BCL9L: variants seen among roughly 807,000 people sequenced by gnomAD.
BCL9L encodes the protein BCL9 like, also known as B-cell CLL/lymphoma 9-like protein.
BCL9L carries 19 observed loss-of-function variants against 99.4 expected under a neutral mutation model. The ratio of observed to expected loss-of-function variants is 0.19; its 90% CI spans 0.13 to 0.28. The LOEUF (loss-of-function observed/expected upper bound fraction) is 0.28, where lower values mean the gene tolerates loss of function less well. Among genes scored for constraint, BCL9L ranks in the 10% least tolerant of loss-of-function variants. The pLI is 1.00. For missense variants in BCL9L, 2,023 were observed against 2,101.6 expected, an observed-to-expected ratio of 0.96 and a Z score of 0.73; for synonymous variants, 900 against 854.8, an observed-to-expected ratio of 1.05 and a Z score of -0.92.
At chr11:118,906,278 G>C (rs935339433) in intron 5 of BCL9L, among the ~76,000 whole-genome samples, 1 of 152,218 alleles carries the variant, frequency 6.6e-6, no homozygotes, top group Non-Finnish European at 1.5e-5. Context: ...GGTGGCTATG[G>C]GGGGAGGTGT....
chr11:118,918,267 G>GTGTGTGTGTGTGTGTGTGTC (rs1435056849), intron 2 of BCL9L, among the ~76,000 whole-genome samples: 5 of 148,338 alleles, frequency 3.4e-5, no homozygotes, highest in African/African-American at 1.1e-4. Flanking sequence ...AAGAGGCTGT[G>GTGTGTGTGTGTGTGTGTGTC]TGTGTGTGTG....
At chr11:118,911,186 G>A (rs960873629) in intron 2 of BCL9L, 1 of 452,784 alleles carries the variant, frequency 2.2e-6, no homozygotes, top group East Asian at 7.0e-5. Flanking sequence ...CTCCCCCCTC[G>A]CCTCCCCTAC....
intron 4 of BCL9L, 71 bp downstream of exon 4, chr11:118,908,199 T>A: frequency 6.7e-7 from 1 of 1,498,382 alleles, no homozygotes; most frequent in Non-Finnish European, 8.9e-7. Flanking sequence ...AGCAGAGAGG[T>A]GATCTCCCAG....
intron 1 of BCL9L, among the ~76,000 whole-genome samples, chr11:118,923,727 G>C (rs1941208051): frequency 6.6e-6 from 1 of 152,144 alleles, no homozygotes. Flanking sequence ...GAGCAACATG[G>C]GTAAGCAGGG....
chr11:118,908,467 G>C lies in BCL9L; in HGVS notation c.215C>G (p.Ser72Trp), dbSNP rs780948865. 3.1e-6 allele frequency: 5 copies of C among 1,614,132 alleles called. No individual in the cohort carries two copies. The highest frequency in any genetic ancestry group is 3.4e-6 in the Non-Finnish European group (4 of 1,180,000). Residue 72 changes from serine to tryptophan, a missense_variant, in exon 4 of 10, where the codon TCG (serine) becomes TGG (tryptophan). Ser to Trp is a radical substitution (Grantham distance 177, BLOSUM62 -3). Coordinates refer to ENST00000683865, the MANE Select transcript of BCL9L (RefSeq NM_001378213.1). ...VNQGPTCNVGSKGVGAGNHGA... is the reference protein window; with the variant it reads ...VNQGPTCNVGWKGVGAGNHGA... ...ATGGTTCCCCGCCCCCACGCCCTTC[G>C]AGCCCACGTTGCAGGTGGGTCCTTG...
chr11:118,909,771 C>T, intron 3 of BCL9L, 143 bp downstream of exon 3: 2 of 1,370,496 alleles, frequency 1.5e-6, no homozygotes, highest in Non-Finnish European at 2.0e-6. Flanking sequence ...TGCTAACCCC[C>T]CTTTAGCCCA....
intron 4 of BCL9L, 48 bp from the exon 5 acceptor site, chr11:118,907,650 A>T: frequency 6.2e-7 from 1 of 1,601,172 alleles, no homozygotes; most frequent in Non-Finnish European, 8.5e-7. Flanking sequence ...AGGCCCCATT[A>T]TTCTCCCACA....
At position 118,898,773 on chromosome 11, in the gene BCL9L, T is replaced by C. The variant is rs774737127; in HGVS notation, c.4142A>G (p.Gln1381Arg). The change falls in exon 10 of 10, where the codon CAG becomes CGG. Residue 1381 changes from glutamine to arginine, a missense_variant. Gln to Arg is a conservative substitution (Grantham distance 43). Transcript: ENST00000683865. ...CATGTTGAGCCCCCGCTGGACGCCC[T>C]GCTGGCCTGGGAGGTTGGGAGGCCG... ...PSRPPNLPGQ[Q>R]GVQRGLNMSM... 25 of 1,613,788 alleles carry C rather than the reference T, an allele frequency of 1.5e-5. No individual in the cohort carries two copies. Among genetic ancestry groups the C allele is most frequent in the Admixed American group, 3.3e-5 (2 of 59,990 alleles).
rs147608382 is a variant in BCL9L at position 118,916,834 on chromosome 11, CTT to C, written c.-77+1990_-77+1991del. On this transcript the variant is annotated intron_variant, in intron 2 of 9. Transcript: ENST00000683865. ...TCCAGGTCACAGCTCCACACTGACA[CTT>C]CTCTCCCCAAGCCAGGTCCCTGACC... is the stretch of plus-strand genomic sequence containing the variant. Among the ~76,000 whole-genome samples the C allele has an allele frequency of 3.3e-5, 5 of 152,368 alleles. No homozygotes were observed. The East Asian group carries it at 9.6e-4, about 29-fold the overall frequency.
At chr11:118,918,287 G>A (rs1265724955) in intron 2 of BCL9L, among the ~76,000 whole-genome samples, 1 of 152,010 alleles carries the variant, frequency 6.6e-6, no homozygotes, top group Non-Finnish European at 1.5e-5. Flanking sequence ...GTGTGTGTCT[G>A]TGTCTGTGTG....
In BCL9L at chr11:118,921,443, C is replaced by G. The variant is rs1036568422; in HGVS notation, c.-130-2564G>C. On this transcript the variant is annotated intron_variant, in intron 1 of 9. Transcript: ENST00000683865. This position sits in a 1 kb window ranked among gnomAD's most constrained non-coding sequence, Gnocchi z 5.4. ...AGGGATTTCAAAACAATCCTGGTTTCGAAATGCTGGAAATGCTGGATTCAG... is the reference window on the plus strand; with the variant it reads ...AGGGATTTCAAAACAATCCTGGTTTGGAAATGCTGGAAATGCTGGATTCAG... 1.3e-5 allele frequency among the ~76,000 whole-genome samples: 2 copies of G among 151,686 alleles called. No homozygotes were observed. Among genetic ancestry groups the G allele is most frequent in the Non-Finnish European group, 2.9e-5 (2 of 67,970 alleles).
intron 1 of BCL9L, among the ~76,000 whole-genome samples, chr11:118,923,067 C>T (rs890087517): frequency 2.6e-5 from 4 of 151,868 alleles, no homozygotes; most frequent in East Asian, 1.9e-4. Flanking sequence ...CAGTGGCTCT[C>T]GGACTCCCTG....
Position 118,908,454 on chromosome 11 carries a change from CCCCACGCCCTTCGAG to C in BCL9L, c.213_227del (p.Ser72_Gly76del), listed in dbSNP as rs1565624006. 1 of 1,614,120 alleles carries C rather than the reference CCCCACGCCCTTCGAG, an allele frequency of 6.2e-7. No individual in the cohort carries two copies. Among genetic ancestry groups the C allele is most frequent in the South Asian group, 1.1e-5 (1 of 91,086 alleles). ...TGGCCTTGGCCCCATGGTTCCCCGCCCCCACGCCCTTCGAGCCCACGTTGCAGGTGGGTCCTTGGT... is the reference window on the plus strand; with the variant it reads ...TGGCCTTGGCCCCATGGTTCCCCGCCCCCACGTTGCAGGTGGGTCCTTGGT... On this transcript the variant is annotated inframe_deletion, in exon 4 of 10. Transcript: ENST00000683865.
At chr11:118,919,832 G>T (rs1821028240) in intron 1 of BCL9L, among the ~76,000 whole-genome samples, 1 of 152,170 alleles carries the variant, frequency 6.6e-6, no homozygotes, top group Admixed American at 6.5e-5. Flanking sequence ...GCCCTGCCCT[G>T]CCGCCACCTA....
At chr11:118,907,456 A>G in intron 5 of BCL9L, 27 bp downstream of exon 5, 1 of 1,614,070 alleles carries the variant, frequency 6.2e-7, no homozygotes. Flanking sequence ...CACGGGCTAC[A>G]GCACCCTGGC....
rs181676476 is a variant in BCL9L, at chr11:118,911,448, G to T, written c.-76-1433C>A. 1.2e-3 allele frequency among the ~76,000 whole-genome samples: 181 copies of T among 152,354 alleles called. 1 individual carries two copies. Among genetic ancestry groups the T allele is most frequent in the Non-Finnish European group, 1.9e-3 (131 of 68,016 alleles). On this transcript the variant is annotated intron_variant, in intron 2 of 9. Coordinates refer to ENST00000683865, the MANE Select transcript of BCL9L (RefSeq NM_001378213.1). ...CTCCAGCCGTGTCTCTGGGGAGGAA[G>T]GCTCCTGGGGGAAGGTTCCAAAGTC...
chr11:118,907,041 T>C (rs1257718049), intron 5 of BCL9L, among the ~76,000 whole-genome samples: 2 of 152,148 alleles, frequency 1.3e-5, no homozygotes, highest in Non-Finnish European at 2.9e-5. Flanking sequence ...CCTGGGTACT[T>C]GCCAGGAGTC....
In BCL9L at chr11:118,922,334, C is replaced by T. The variant is rs1161932190; in HGVS notation, c.-131+2904G>A. On this transcript the variant is annotated intron_variant, in intron 1 of 9. Coordinates refer to ENST00000683865, the MANE Select transcript of BCL9L (RefSeq NM_001378213.1). The surrounding 1 kb of genome is among the most constrained non-coding windows in gnomAD (Gnocchi z 6.2). ...TCCCCTCCTAGCCCTGGCCTTCCAG[C>T]CCTCCAACTGGCTCCAGCCCCAGCT... Among the ~76,000 whole-genome samples, 1 of 152,224 alleles carries T rather than the reference C, an allele frequency of 6.6e-6. No homozygotes were observed. The highest frequency in any genetic ancestry group is 1.5e-5 in the Non-Finnish European group (1 of 68,024).
rs771126846 is a variant in BCL9L at position 118,899,041 on chromosome 11, C to T, written c.3874G>A (p.Ala1292Thr). 1.2e-5 allele frequency: 20 copies of T among 1,612,972 alleles called. No homozygotes were observed. Among genetic ancestry groups the T allele is most frequent in the Admixed American group, 8.3e-5 (5 of 59,946 alleles). The change falls in exon 10 of 10, where the codon GCA becomes ACA. Residue 1292 changes from alanine to threonine, a missense_variant. Coordinates refer to ENST00000683865, the MANE Select transcript of BCL9L (RefSeq NM_001378213.1). ...GKAMAGRMGDAYPPGVLPGVA... is the reference protein window; with the variant it reads ...GKAMAGRMGDTYPPGVLPGVA... ...CCAGGGAGCACACCCGGTGGGTATG[C>T]GTCGCCCATGCGCCCAGCCATGGCT...
Sources: gnomAD v4.1 joint callset for allele counts (sites outside exome capture counted in the v4.1 genomes callset) on GRCh38, gnomAD v4.1.1 for gene constraint, Gnocchi (gnomAD v3.1) non-coding constraint, MANE v1.5 for transcripts, NCBI Gene and HGNC (gene_info 2026-07-23, HGNC 2026-07-21) for gene names.